Variants in CIMAP2 observed in about 807,000 individuals in gnomAD.
The protein encoded by CIMAP2 is ciliary microtubule-associated protein 2.
the CIMAP2 span, among the ~76,000 whole-genome samples, chr1:54,835,367 A>AAT: frequency 6.6e-6 from 1 of 151,022 alleles, no homozygotes; most frequent in African/African-American, 2.5e-5. Context: ...AATTTTTGTA[A>AAT]TGTTTGTACA....
chr1:54,837,951 T>C, the CIMAP2 span, among the ~76,000 whole-genome samples: 1 of 152,098 alleles, frequency 6.6e-6, no homozygotes, highest in Non-Finnish European at 1.5e-5. Flanking sequence ...ATGGCTGTTT[T>C]TCCAAATTGC....
chr1:54,816,048 T>C, the CIMAP2 span, among the ~76,000 whole-genome samples: 1 of 152,172 alleles, frequency 6.6e-6, no homozygotes, highest in Non-Finnish European at 1.5e-5. Flanking sequence ...GAGAAAGTCT[T>C]TACCTGAGAG....
chr1:54,820,071 CCCTT>C, the CIMAP2 span, among the ~76,000 whole-genome samples: 9,219 of 117,276 alleles, frequency 0.079, 301 homozygotes, highest in Non-Finnish European at 0.1. Context: ...CTCCCTATCT[CCCTT>C]CCTTCCTTCC....
the CIMAP2 span, among the ~76,000 whole-genome samples, chr1:54,840,252 T>A: frequency 2.0e-5 from 3 of 152,216 alleles, no homozygotes; most frequent in Non-Finnish European, 4.4e-5. Context: ...ATTTTGTATC[T>A]TTTTCTTTCA....
chr1:54,831,722 CCAA>C, the CIMAP2 span, among the ~76,000 whole-genome samples: 2 of 151,906 alleles, frequency 1.3e-5, no homozygotes, highest in African/African-American at 2.4e-5. Flanking sequence ...ATAAATGTAA[CCAA>C]CAACGAAAAG....
chr1:54,811,765 G>GCCGGGGGGGGCCCCCCCCCCCC, the CIMAP2 span: 9 of 1,301,316 alleles, frequency 6.9e-6, no homozygotes, highest in Non-Finnish European at 9.8e-6. Flanking sequence ...GGTTCTGACA[G>GCCGGGGGGGGCCCCCCCCCCCC]CCTCCATGCC....
At chr1:54,810,610 A>C in the CIMAP2 span, among the ~76,000 whole-genome samples, 1 of 152,194 alleles carries the variant, frequency 6.6e-6, no homozygotes, top group Non-Finnish European at 1.5e-5. Context: ...TTCCAGGCTC[A>C]GAGGTAGGGC....
chr1:54,839,666 C>T, the CIMAP2 span, among the ~76,000 whole-genome samples: 1 of 152,106 alleles, frequency 6.6e-6, no homozygotes, highest in Non-Finnish European at 1.5e-5. Context: ...GCATGAGCCA[C>T]CATGCCCAGC....
chr1:54,806,442 C>G, the CIMAP2 span, among the ~76,000 whole-genome samples: 1 of 152,316 alleles, frequency 6.6e-6, no homozygotes, highest in East Asian at 1.9e-4. Flanking sequence ...CTTTTACCAT[C>G]TAAGTGAGTT....
At chr1:54,841,709 G>C in the CIMAP2 span, 21 of 1,593,448 alleles carry the variant, frequency 1.3e-5, no homozygotes, top group African/African-American at 2.7e-4. Context: ...ACAGGTACCT[G>C]TTCATTCCCT....
the CIMAP2 span, among the ~76,000 whole-genome samples, chr1:54,841,387 G>T: frequency 6.6e-6 from 1 of 152,174 alleles, no homozygotes; most frequent in Admixed American, 6.5e-5. Flanking sequence ...AAGAATTGGA[G>T]CAGTGGAGGG....
At chr1:54,807,947 A>C in the CIMAP2 span, 1 of 1,609,870 alleles carries the variant, frequency 6.2e-7, no homozygotes, top group Non-Finnish European at 8.5e-7. Flanking sequence ...CAGCTGCGGG[A>C]GAAACCATGT....
chr1:54,825,777 T>C, the CIMAP2 span, among the ~76,000 whole-genome samples: 1 of 151,594 alleles, frequency 6.6e-6, no homozygotes, highest in Non-Finnish European at 1.5e-5. Context: ...GTGACAGTAG[T>C]GGCAATGGGC....
At chr1:54,819,840 C>T in the CIMAP2 span, among the ~76,000 whole-genome samples, 5 of 99,412 alleles carry the variant, frequency 5.0e-5, no homozygotes, top group Non-Finnish European at 6.1e-5. Flanking sequence ...CTTTCTTTCT[C>T]TTTCTTTCTT....
the CIMAP2 span, among the ~76,000 whole-genome samples, chr1:54,816,636 C>T: frequency 6.6e-6 from 1 of 152,130 alleles, no homozygotes; most frequent in Non-Finnish European, 1.5e-5. Flanking sequence ...TGGTGGCCAG[C>T]AATCCTTGAT....
chr1:54,833,002 G>T, the CIMAP2 span, among the ~76,000 whole-genome samples: 1 of 151,572 alleles, frequency 6.6e-6, no homozygotes, highest in Non-Finnish European at 1.5e-5. Context: ...ACTCCAGCCT[G>T]TGAAACCTTG....
At chr1:54,812,125 G>A in the CIMAP2 span, 2 of 1,614,234 alleles carry the variant, frequency 1.2e-6, no homozygotes, top group South Asian at 2.2e-5. Flanking sequence ...GGCACCCGCG[G>A]CCCCTATGAC....
the CIMAP2 span, among the ~76,000 whole-genome samples, chr1:54,811,137 G>A: frequency 2.6e-5 from 4 of 152,190 alleles, no homozygotes; most frequent in Admixed American, 1.3e-4. Flanking sequence ...TGGACCATGC[G>A]ACACAGAAGG....
At chr1:54,841,816 A>G in the CIMAP2 span, 4 of 1,566,446 alleles carry the variant, frequency 2.6e-6, no homozygotes, top group African/African-American at 4.1e-5. Context: ...GGATCACACC[A>G]TTTACTAAGG....
Sources: allele counts gnomAD v4.1 joint callset (sites outside exome capture counted in the v4.1 genomes callset), GRCh38; gene constraint gnomAD v4.1.1; transcripts MANE v1.5; gene names NCBI Gene and HGNC (gene_info 2026-07-23, HGNC 2026-07-21).